The following GRID2 variants were observed in gnomAD, a reference collection of about 807,000 sequenced individuals.
GRID2 encodes glutamate receptor ionotropic, delta-2.
Under a neutral mutation model 114.8 loss-of-function variants are expected in GRID2, and 33 were observed. The observed-to-expected ratio is 0.29, with a 90% confidence interval of 0.22 to 0.38. The LOEUF is 0.38. GRID2 is among the 10% of genes least tolerant of loss of function. The probability of loss-of-function intolerance (pLI) is 1.00; values close to 1 mark genes in which losing one functional copy is unlikely to be tolerated. For missense variants in GRID2, 1,184 were observed against 1,257.7 expected (o/e 0.94, Z 0.89); for synonymous variants, 505 against 449.9 (o/e 1.12, Z -1.55).
At chr4:92,708,554 A>G (rs1735061518) in intron 2 of GRID2, among the ~76,000 whole-genome samples, 2 of 152,244 alleles carry the variant, frequency 1.3e-5, no homozygotes, top group South Asian at 4.1e-4. Flanking sequence ...TCACTTATTT[A>G]TCTCATCTGC....
chr4:92,943,190 G>A (rs1428616215), intron 2 of GRID2, among the ~76,000 whole-genome samples: 2 of 152,236 alleles, frequency 1.3e-5, no homozygotes, highest in East Asian at 1.9e-4. Context: ...CATTCTCCCT[G>A]TCACTTTCAG....
intron 2 of GRID2, among the ~76,000 whole-genome samples, chr4:92,898,035 T>TA (rs1225958813): frequency 1.3e-5 from 2 of 151,954 alleles, no homozygotes; most frequent in Non-Finnish European, 2.9e-5. Context: ...AATTGTAAGT[T>TA]AAAAAAAAGT....
chr4:93,500,631 C>CA (rs1309592764), intron 12 of GRID2, among the ~76,000 whole-genome samples: 1 of 151,772 alleles, frequency 6.6e-6, no homozygotes, highest in Non-Finnish European at 1.5e-5. Flanking sequence ...AAGATAAAAG[C>CA]AAAATAAACA....
chr4:92,733,791 T>G lies in GRID2; in HGVS notation c.244+143505T>G, dbSNP rs1340708780. 2.0e-5 allele frequency among the ~76,000 whole-genome samples: 3 copies of G among 152,058 alleles called. No individual in the cohort carries two copies. In the South Asian group the frequency reaches 6.2e-4, roughly 32 times the overall value. On this transcript the variant is annotated intron_variant, in intron 2 of 15. Coordinates refer to ENST00000282020, the MANE Select transcript of GRID2 (RefSeq NM_001510.4). Reference sequence around the variant, plus strand: ...GATCCTGGCTCTGTCCCTTTAAAACTGGTGTGATTACTGGTGTAGCTACCA... The same window carrying G: ...GATCCTGGCTCTGTCCCTTTAAAACGGGTGTGATTACTGGTGTAGCTACCA...
chr4:93,571,387 T>C (rs1415535437), intron 13 of GRID2, among the ~76,000 whole-genome samples: 1 of 152,172 alleles, frequency 6.6e-6, no homozygotes, highest in African/African-American at 2.4e-5. Flanking sequence ...TTACATAAAT[T>C]ATGTAAGTAT....
intron 2 of GRID2, among the ~76,000 whole-genome samples, chr4:92,738,015 A>G (rs1383680132): frequency 6.6e-6 from 1 of 152,108 alleles, no homozygotes; most frequent in Non-Finnish European, 1.5e-5. Flanking sequence ...GATTTGAGGA[A>G]AGGTTTTTGC....
At chr4:93,748,934 GT>G (rs548510052) in intron 14 of GRID2, among the ~76,000 whole-genome samples, 71 of 152,134 alleles carry the variant, frequency 4.7e-4, no homozygotes, top group African/African-American at 1.4e-3. Context: ...AGTAATAAAT[GT>G]TAAGCAAACC....
chr4:92,669,448 G>C (rs1227368471), intron 2 of GRID2, among the ~76,000 whole-genome samples: 1 of 151,948 alleles, frequency 6.6e-6, no homozygotes, highest in Admixed American at 6.6e-5. Context: ...GCAGGCAGAA[G>C]ATATCTTTTT....
At chr4:93,730,845 CTCT>C (rs1400281736) in intron 14 of GRID2, among the ~76,000 whole-genome samples, 1 of 152,198 alleles carries the variant, frequency 6.6e-6, no homozygotes, top group East Asian at 1.9e-4. Flanking sequence ...ACAAAGAGAG[CTCT>C]GAATGATGGC....
chr4:92,529,564 TACCAAACAGCTAA>T, intron 1 of GRID2, among the ~76,000 whole-genome samples: 1 of 152,186 alleles, frequency 6.6e-6, no homozygotes, highest in South Asian at 2.1e-4. Flanking sequence ...AGTTCAAGAT[TACCAAACAGCTAA>T]ATGGAACTGC....
chr4:92,706,556 G>A (rs1479417747), intron 2 of GRID2, among the ~76,000 whole-genome samples: 1 of 152,038 alleles, frequency 6.6e-6, no homozygotes, highest in African/African-American at 2.4e-5. Flanking sequence ...GTCCTCTAGG[G>A]GTGTTTTGGT....
At chr4:93,326,539 C>T (rs1757855595) in intron 8 of GRID2, among the ~76,000 whole-genome samples, 1 of 150,960 alleles carries the variant, frequency 6.6e-6, no homozygotes, top group Admixed American at 6.6e-5. Flanking sequence ...TAAACTTCTC[C>T]AATAGAAGGG....
chr4:92,665,540 T>C (rs1284071328), intron 2 of GRID2, among the ~76,000 whole-genome samples: 1 of 151,302 alleles, frequency 6.6e-6, no homozygotes, highest in East Asian at 1.9e-4. Flanking sequence ...TTCATATACC[T>C]TTGAGCTACC....
intron 2 of GRID2, among the ~76,000 whole-genome samples, chr4:92,863,339 T>C (rs1744654802): frequency 6.6e-6 from 1 of 152,120 alleles, no homozygotes; most frequent in East Asian, 1.9e-4. Context: ...CCACCTTTCA[T>C]TACAGTCCCT....
At chr4:93,698,487 C>T (rs575487666) in intron 14 of GRID2, among the ~76,000 whole-genome samples, 2 of 151,994 alleles carry the variant, frequency 1.3e-5, no homozygotes, top group South Asian at 4.2e-4. Context: ...TATTTCTATT[C>T]GTGAGAGTAG....
At chr4:92,840,842 A>G (rs1578279099) in intron 2 of GRID2, among the ~76,000 whole-genome samples, 2 of 152,068 alleles carry the variant, frequency 1.3e-5, no homozygotes, top group African/African-American at 4.8e-5. Flanking sequence ...ATATTCACAT[A>G]TTGAAAATAG....
rs1452234153 is a variant in GRID2 at position 92,472,125 on chromosome 4, G to A, written c.89-118006G>A. ...ATTTTTTGTATTTTTAGTAGAGACG[G>A]GGTTTCACCGTTTTAGCCGGGATGG... On this transcript the variant is annotated intron_variant, in intron 1 of 15. Coordinates refer to ENST00000282020, the MANE Select transcript of GRID2 (RefSeq NM_001510.4). Among the ~76,000 whole-genome samples, 4 of 81,036 alleles carry A rather than the reference G, an allele frequency of 4.9e-5. 1 individual carries two copies. The highest frequency in any genetic ancestry group is 8.3e-4 in the South Asian group (2 of 2,402). The allele number at this position is 81,036 out of a possible 152,430, so 53.2% of individuals were successfully genotyped here.
At chr4:92,929,880 T>A (rs554258470) in intron 2 of GRID2, among the ~76,000 whole-genome samples, 14 of 151,368 alleles carry the variant, frequency 9.2e-5, no homozygotes, top group Non-Finnish European at 2.1e-4. Flanking sequence ...ATACATACTG[T>A]TTGCTTAATA....
chr4:92,557,627 C>A (rs796999232), intron 1 of GRID2, among the ~76,000 whole-genome samples: 8 of 113,210 alleles, frequency 7.1e-5, no homozygotes, highest in Admixed American at 2.7e-4. Context: ...TAATACTTCA[C>A]TGCATATATA....
Sources: allele counts gnomAD v4.1 joint callset (sites outside exome capture counted in the v4.1 genomes callset), GRCh38; gene constraint gnomAD v4.1.1; transcripts MANE v1.5; gene names NCBI Gene and HGNC (gene_info 2026-07-23, HGNC 2026-07-21).